Variants in RAD23B observed in about 807,000 individuals in gnomAD.
RAD23B encodes RAD23 nucleotide excision repair protein B, also known as lysine-specific demethylase RAD23B.
Under a neutral mutation model 49.1 loss-of-function variants are expected in RAD23B, and 5 were observed. The observed-to-expected ratio is 0.10, with a 90% CI of 0.05 to 0.21. The LOEUF (loss-of-function observed/expected upper bound fraction) is 0.21, where lower values mean the gene tolerates loss of function less well. Ranked by LOEUF, RAD23B falls within the 10% of genes least tolerant of loss-of-function variation. RAD23B has a pLI of 1.00. For synonymous variants in RAD23B, 184 were observed against 165.4 expected, an observed-to-expected ratio of 1.11 and a Z score of -0.86; for missense variants, 356 against 486.7, an observed-to-expected ratio of 0.73 and a Z score of 2.53.
chr9:107,301,964 A>G lies in RAD23B; in HGVS notation c.149-71A>G, dbSNP rs149532192. On this transcript the variant is annotated intron_variant, in intron 2 of 9. Coordinates refer to ENST00000358015, the MANE Select transcript of RAD23B (RefSeq NM_002874.5). ...TCTGAAATATTCATATTTCGAGTAG[A>G]AAGTTGTTTTAACTGAAGTGTAAGA... 3.2e-6 allele frequency: 5 copies of G among 1,552,758 alleles called. No homozygotes were observed. In the African/African-American group the frequency reaches 5.6e-5, roughly 17 times the overall value.
chr9:107,323,767 T>G (rs1015425119), intron 7 of RAD23B, 123 bp from the exon 8 acceptor site: 1 of 952,458 alleles, frequency 1.0e-6, no homozygotes, highest in Non-Finnish European at 1.6e-6. Context: ...TACTTCATTT[T>G]ATTACATCTG....
intron 3 of RAD23B, 23 bp downstream of exon 3, chr9:107,302,137 A>T (rs368650165): frequency 8.1e-6 from 13 of 1,610,548 alleles, no homozygotes; most frequent in Non-Finnish European, 5.1e-6. Flanking sequence ...CTCATTCTGT[A>T]TATCTTTATG....
At position 107,331,965 on chromosome 9, in the gene RAD23B, A is replaced by C. The variant is rs889237952; in HGVS notation, c.*2309A>C. On this transcript the variant is annotated 3_prime_UTR_variant, in exon 10 of 10. Coordinates refer to ENST00000358015, the MANE Select transcript of RAD23B (RefSeq NM_002874.5). Reference sequence around the variant, plus strand: ...AATGTAAGTAGCTATTTGACTTTGGAATTTTGCATTCGAGGTATACTGTCA... The same window carrying C: ...AATGTAAGTAGCTATTTGACTTTGGCATTTTGCATTCGAGGTATACTGTCA... 21 of 417,744 alleles carry C rather than the reference A, an allele frequency of 5.0e-5. No individual in the cohort carries two copies. The highest frequency in any genetic ancestry group is 8.8e-5 in the Non-Finnish European group (21 of 237,596). The allele number at this position is 417,744 out of a possible 1,614,324, so 25.9% of individuals were successfully genotyped here.
At chr9:107,312,572 G>A (rs1258363352) in intron 5 of RAD23B, among the ~76,000 whole-genome samples, 1 of 146,476 alleles carries the variant, frequency 6.8e-6, no homozygotes, top group East Asian at 2.0e-4. Flanking sequence ...CAAAACGGCA[G>A]TTTAAATTAT....
chr9:107,291,118 G>GA (rs1440795592), intron 1 of RAD23B, among the ~76,000 whole-genome samples: 1 of 152,170 alleles, frequency 6.6e-6, no homozygotes, highest in Non-Finnish European at 1.5e-5. Flanking sequence ...GACAATACAT[G>GA]AACAGATTCT....
chr9:107,292,507 T>G (rs2417783), intron 1 of RAD23B, among the ~76,000 whole-genome samples: 1 of 151,794 alleles, frequency 6.6e-6, no homozygotes, highest in Non-Finnish European at 1.5e-5. Context: ...GATGAAACCC[T>G]GTCTCTACTA....
intron 4 of RAD23B, among the ~76,000 whole-genome samples, chr9:107,311,468 A>T (rs1826885331): frequency 6.6e-6 from 1 of 152,168 alleles, no homozygotes; most frequent in African/African-American, 2.4e-5. Context: ...TCAGAATAGA[A>T]GGAGTACCAA....
Position 107,318,676 on chromosome 9 carries a change from AC to A in RAD23B, c.554-75del. ...CATAGTAGTTCCTGAAATGTTGTAT[AC>A]ATGAATCAATAAATGTATAGAGAAT... On this transcript the variant is annotated intron_variant, in intron 5 of 9. Coordinates refer to ENST00000358015, the MANE Select transcript of RAD23B (RefSeq NM_002874.5). The surrounding 1 kb of genome is among the most constrained non-coding windows in gnomAD (Gnocchi z 4.3). 6.9e-7 allele frequency: 1 copy of A among 1,446,816 alleles called. No individual in the cohort carries two copies. The highest frequency in any genetic ancestry group is 9.5e-7 in the Non-Finnish European group (1 of 1,051,722). The allele number at this position is 1,446,816 out of a possible 1,614,324, so 89.6% of individuals were successfully genotyped here.
intron 9 of RAD23B, among the ~76,000 whole-genome samples, chr9:107,325,590 C>G (rs185211760): frequency 1.3e-5 from 2 of 152,110 alleles, no homozygotes; most frequent in East Asian, 1.9e-4. Flanking sequence ...GTATATTGAT[C>G]TTTTATCATA....
intron 1 of RAD23B, among the ~76,000 whole-genome samples, chr9:107,291,226 C>A (rs1535765): frequency 0.74 from 113,223 of 152,068 alleles, 43,115 homozygotes; most frequent in African/African-American, 0.92. Flanking sequence ...AGTGCACTGG[C>A]GAGATCCATT....
chr9:107,315,472 A>T (rs1393711743), intron 5 of RAD23B, among the ~76,000 whole-genome samples: 1 of 151,208 alleles, frequency 6.6e-6, no homozygotes, highest in Non-Finnish European at 1.5e-5. Flanking sequence ...TTGCCTCATT[A>T]CTCTGTTTCT....
intron 5 of RAD23B, among the ~76,000 whole-genome samples, chr9:107,312,143 T>C (rs1826900681): frequency 6.6e-6 from 1 of 152,262 alleles, no homozygotes; most frequent in Admixed American, 6.5e-5. Context: ...TACATTCCCA[T>C]CTACATCTTG....
intron 1 of RAD23B, among the ~76,000 whole-genome samples, chr9:107,285,802 G>C (rs1833264558): frequency 6.6e-6 from 1 of 152,046 alleles, no homozygotes; most frequent in Non-Finnish European, 1.5e-5. Context: ...ATTTCCTCTG[G>C]GATATATGGA....
intron 6 of RAD23B, among the ~76,000 whole-genome samples, chr9:107,321,231 C>CT (rs1827104702): frequency 6.6e-6 from 1 of 150,982 alleles, no homozygotes; most frequent in African/African-American, 2.4e-5. Flanking sequence ...TTTTGAGATA[C>CT]TTTATCTCAT....
intron 6 of RAD23B, among the ~76,000 whole-genome samples, chr9:107,319,118 TTTC>T (rs1379863076): frequency 4.4e-5 from 5 of 114,422 alleles, no homozygotes; most frequent in South Asian, 2.9e-4. Flanking sequence ...AGAACAAAAA[TTTC>T]TTTTTTCTTT....
At chr9:107,324,105 C>A in intron 8 of RAD23B, 88 bp downstream of exon 8, 1 of 1,362,998 alleles carries the variant, frequency 7.3e-7, no homozygotes, top group Non-Finnish European at 1.0e-6. Flanking sequence ...TCCTCAAATA[C>A]AACTCTGTAT....
chr9:107,283,463 G>T lies in RAD23B; in HGVS notation c.-167G>T. ...AGCGGCGCGGTCCGGGGCACGGGCTGGGGGAGAGGCCGCTCCGCTGGGCGA... is the reference window on the plus strand; with the variant it reads ...AGCGGCGCGGTCCGGGGCACGGGCTTGGGGAGAGGCCGCTCCGCTGGGCGA... On this transcript the variant is annotated 5_prime_UTR_variant, in exon 1 of 10. Coordinates refer to ENST00000358015, the MANE Select transcript of RAD23B (RefSeq NM_002874.5). The T allele has an allele frequency of 2.1e-6, 1 of 484,034 alleles. No individual in the cohort carries two copies. The allele number at this position is 484,034 out of a possible 1,614,324, so 30.0% of individuals were successfully genotyped here. A position where few individuals can be genotyped will look rare whatever the true frequency, so the allele number is the denominator to read the frequency against.
chr9:107,289,696 C>T (rs971683643), intron 1 of RAD23B, among the ~76,000 whole-genome samples: 1 of 152,124 alleles, frequency 6.6e-6, no homozygotes, highest in African/African-American at 2.4e-5. Flanking sequence ...GCTGTGTCAC[C>T]TCAGGCAAGT....
intron 8 of RAD23B, 121 bp downstream of exon 8, chr9:107,324,138 C>A: frequency 8.9e-7 from 1 of 1,123,946 alleles, no homozygotes; most frequent in Non-Finnish European, 1.3e-6. Flanking sequence ...ATGTTTTCTT[C>A]CAAGCTACAC....
Sources: allele counts gnomAD v4.1 joint callset (sites outside exome capture counted in the v4.1 genomes callset), GRCh38; gene constraint gnomAD v4.1.1; non-coding constraint Gnocchi (gnomAD v3.1); transcripts MANE v1.5; gene names NCBI Gene and HGNC (gene_info 2026-07-23, HGNC 2026-07-21).